The following LDHA variants were observed in gnomAD, a reference collection of about 807,000 sequenced individuals.
LDHA encodes L-lactate dehydrogenase A chain.
In LDHA, 10 loss-of-function variants were observed where a neutral mutation model predicts 36.3. The observed-to-expected ratio is 0.28, with a 90% CI of 0.17 to 0.47. The LOEUF is 0.47. Ranked by LOEUF, LDHA falls within the 20% of genes least tolerant of loss-of-function variation. LDHA has a pLI of 0.99. For missense variants in LDHA, 267 were observed against 405.8 expected (o/e 0.66, Z 2.94); for synonymous variants, 110 against 136.7 (o/e 0.80, Z 1.36).
In LDHA at chr11:18,400,816, CATT is replaced by C; in HGVS notation, c.245-17_245-15del. The C allele has an allele frequency of 4.4e-6, 7 of 1,606,846 alleles. No homozygotes were observed. The highest frequency in any genetic ancestry group is 5.1e-6 in the Non-Finnish European group (6 of 1,173,712). On this transcript the variant is annotated intron_variant, in intron 3 of 7. Coordinates refer to ENST00000422447, the MANE Select transcript of LDHA (RefSeq NM_005566.4). The stretch of plus-strand genomic sequence containing the variant: ...TTTATTCTAAAGGCCTTAATCTGGT[CATT>C]ATTCCCCTTTTCTCTAGACTATAAT...
intron 6 of LDHA, 33 bp downstream of exon 6, chr11:18,403,844 A>G (rs1474661340): frequency 8.8e-7 from 1 of 1,141,056 alleles, no homozygotes; most frequent in African/African-American, 1.5e-5. Context: ...AACACAGAAT[A>G]TTAACATTTA....
intron 3 of LDHA, chr11:18,400,278 T>G (rs1229604053): frequency 1.4e-5 from 3 of 209,232 alleles, no homozygotes; most frequent in Non-Finnish European, 2.9e-5. Context: ...GTGTCTATTT[T>G]GATACCTGAA....
Position 18,407,804 on chromosome 11 carries a change from AAGTGTTATACC to A in LDHA, c.*525_*535del, listed in dbSNP as rs772267121. The A allele has an allele frequency of 4.4e-6, 2 of 455,108 alleles. No homozygotes were observed. The highest frequency in any genetic ancestry group is 8.8e-6 in the Non-Finnish European group (2 of 227,578). The allele number at this position is 455,108 out of a possible 1,614,324, so 28.2% of individuals were successfully genotyped here. A position where few individuals can be genotyped will look rare whatever the true frequency, so the allele number is the denominator to read the frequency against. On this transcript the variant is annotated 3_prime_UTR_variant, in exon 8 of 8. Coordinates refer to ENST00000422447, the MANE Select transcript of LDHA (RefSeq NM_005566.4). ...ATACAAACAATGCAACCAACTATCC[AAGTGTTATACC>A]AACTAAAACCCCCAATAAACCTTGA...
rs1337459364 is a variant in LDHA at position 18,408,223 on chromosome 11, G to A, written c.*942G>A. On this transcript the variant is annotated 3_prime_UTR_variant, in exon 8 of 8. Transcript: ENST00000422447. ...AAAAACAATCTTAAGGCAGGGTGCA[G>A]TGGCTCATGCCTATAATCCCAGCAC... 1 of 454,094 alleles carries A rather than the reference G, an allele frequency of 2.2e-6. No homozygotes were observed. The highest frequency in any genetic ancestry group is 6.9e-5 in the East Asian group (1 of 14,398). The allele number at this position is 454,094 out of a possible 1,614,324, so 28.1% of individuals were successfully genotyped here.
intron 3 of LDHA, chr11:18,400,402 T>G: frequency 3.6e-6 from 1 of 276,358 alleles, no homozygotes; most frequent in Non-Finnish European, 7.0e-6. Context: ...TGTCTCTGCT[T>G]AAAAACAAGT....
At chr11:18,400,441 AC>A (rs2134023113) in intron 3 of LDHA, 3 of 8,194 alleles carry the variant, frequency 3.7e-4, no homozygotes, top group South Asian at 3.0e-3. Flanking sequence ...ACACACACAC[AC>A]ACACACACAC....
intron 6 of LDHA, among the ~76,000 whole-genome samples, chr11:18,404,087 C>T (rs868699908): frequency 3.3e-5 from 5 of 151,938 alleles, no homozygotes; most frequent in Admixed American, 2.0e-4. Flanking sequence ...TATGCCATGA[C>T]GCCCGGCTAA....
At chr11:18,403,999 T>C (rs1866586994) in intron 6 of LDHA, among the ~76,000 whole-genome samples, 188 bp downstream of exon 6, 1 of 152,162 alleles carries the variant, frequency 6.6e-6, no homozygotes, top group African/African-American at 2.4e-5. Flanking sequence ...GGCGCAATCT[T>C]GGCTCACTGC....
At chr11:18,401,629 C>A (rs1240982796) in intron 4 of LDHA, among the ~76,000 whole-genome samples, 2 of 151,350 alleles carry the variant, frequency 1.3e-5, no homozygotes, top group South Asian at 4.2e-4. Flanking sequence ...AGGTGCCCAC[C>A]ACGACGCCTG....
chr11:18,408,397 T>A lies in LDHA; in HGVS notation c.*1116T>A, dbSNP rs543384332. On this transcript the variant is annotated 3_prime_UTR_variant, in exon 8 of 8. Transcript: ENST00000422447. ...GATGTCTACTCAAGTTTTCTGCACA[T>A]TTTTCTGAAAATACAACTGTGACCC... 1.4e-5 allele frequency: 5 copies of A among 347,476 alleles called. No individual in the cohort carries two copies. Among genetic ancestry groups the A allele is most frequent in the Admixed American group, 3.9e-5 (1 of 25,324 alleles). The allele number at this position is 347,476 out of a possible 1,614,324, so 21.5% of individuals were successfully genotyped here.
At position 18,396,871 on chromosome 11, in the gene LDHA, A is replaced by C; in HGVS notation, c.29A>C (p.Tyr10Ser). The change falls in exon 2 of 8, where the codon TAT becomes TCT. Residue 10 changes from tyrosine (Y) to serine (S), a missense_variant. Tyr to Ser is a moderately radical substitution (Grantham distance 144). Transcript: ENST00000422447. The part of the protein sequence containing the change: MATLKDQLI[Y>S]NLLKEEQTPQ... ...GCAACTCTAAAGGATCAGCTGATTTATAATCTTCTAAAGGAAGAACAGACC... is the reference window on the plus strand; with the variant it reads ...GCAACTCTAAAGGATCAGCTGATTTCTAATCTTCTAAAGGAAGAACAGACC... 1.2e-6 allele frequency: 2 copies of C among 1,613,544 alleles called. No individual in the cohort carries two copies. Among genetic ancestry groups the C allele is most frequent in the Non-Finnish European group, 8.5e-7 (1 of 1,179,532 alleles).
chr11:18,396,640 T>C, intron 1 of LDHA, 179 bp from the exon 2 acceptor site: 1 of 1,405,628 alleles, frequency 7.1e-7, no homozygotes, highest in Non-Finnish European at 9.3e-7. Context: ...ACAGACCCTG[T>C]CATTAGGCCT....
chr11:18,400,478 C>T (rs1866447381), intron 3 of LDHA: 2 of 291,038 alleles, frequency 6.9e-6, no homozygotes, highest in African/African-American at 5.6e-5. Context: ...CACACACACA[C>T]ACACGAAATT....
rs1866652317 is a variant in LDHA at position 18,405,478 on chromosome 11, A to G, written c.740A>G (p.Tyr247Cys). The G allele has an allele frequency of 2.5e-6, 4 of 1,613,508 alleles. No homozygotes were observed. The Middle Eastern group carries it at 5.1e-4, about 208-fold the overall frequency. Residue 247 changes from tyrosine to cysteine, a missense_variant, in exon 7 of 8, where the codon TAC becomes TGC. Transcript: ENST00000422447. ...SAYEVIKLKG[Y>C]TSWAIGLSVA... is the part of the protein sequence containing the mutation. ...TATGAGGTGATCAAACTCAAAGGCTACACATCCTGGGCTATTGGACTCTCT... is the reference window on the plus strand; with the variant it reads ...TATGAGGTGATCAAACTCAAAGGCTGCACATCCTGGGCTATTGGACTCTCT...
intron 3 of LDHA, chr11:18,399,761 ATTT>A: frequency 1.9e-6 from 1 of 515,770 alleles, no homozygotes; most frequent in Admixed American, 3.1e-5. Flanking sequence ...TGCCCGGCTA[ATTT>A]TTTTACTTTT....
intron 1 of LDHA, 148 bp from the exon 2 acceptor site, chr11:18,396,671 C>T: frequency 1.5e-6 from 2 of 1,378,200 alleles, no homozygotes; most frequent in Non-Finnish European, 9.6e-7. Context: ...TTTTGGCAAC[C>T]ATTAGGTTTT....
chr11:18,396,298 G>T, intron 1 of LDHA: 3 of 381,084 alleles, frequency 7.9e-6, no homozygotes, highest in Non-Finnish European at 1.4e-5. Flanking sequence ...GCGTTCGGAG[G>T]ACCCAGCAAT....
At chr11:18,405,663 A>T in intron 7 of LDHA, 91 bp downstream of exon 7, 1 of 1,360,122 alleles carries the variant, frequency 7.4e-7, no homozygotes, top group Non-Finnish European at 1.0e-6. Context: ...CAAGTCTTCC[A>T]TTACTGACTT....
intron 1 of LDHA, 132 bp from the exon 2 acceptor site, chr11:18,396,687 C>T: frequency 2.2e-6 from 3 of 1,364,776 alleles, no homozygotes; most frequent in South Asian, 3.1e-5. Context: ...GTTTTTTCCC[C>T]TCCCTTTTTA....
Sources: allele counts gnomAD v4.1 joint callset (sites outside exome capture counted in the v4.1 genomes callset), GRCh38; gene constraint gnomAD v4.1.1; transcripts MANE v1.5; gene names NCBI Gene and HGNC (gene_info 2026-07-23, HGNC 2026-07-21).